Variants in AGBL1 observed in about 807,000 individuals in gnomAD.
The protein encoded by AGBL1 is cytosolic carboxypeptidase 4.
In AGBL1, 130 loss-of-function variants were observed where a neutral mutation model predicts 118.9. That is an observed-to-expected ratio of 1.09 (90% CI 0.95 to 1.26). The LOEUF (loss-of-function observed/expected upper bound fraction) is 1.26. AGBL1 is among the 50% of genes most tolerant of loss of function. The probability of loss-of-function intolerance (pLI) is 0.00; values close to 1 mark genes in which losing one functional copy is unlikely to be tolerated. For synonymous variants in AGBL1, 555 were observed against 478.9 expected, an observed-to-expected ratio of 1.16 and a Z score of -2.08; for missense variants, 1,584 against 1,298.1, an observed-to-expected ratio of 1.22 and a Z score of -3.38.
intron 1 of AGBL1, among the ~76,000 whole-genome samples, chr15:86,131,286 T>G (rs1429077284): frequency 6.6e-6 from 1 of 152,160 alleles, no homozygotes; most frequent in Non-Finnish European, 1.5e-5. Context: ...TTACTGAAAT[T>G]GGCTAAGATT....
chr15:86,651,179 T>A (rs1007018727), intron 21 of AGBL1, among the ~76,000 whole-genome samples: 10 of 152,170 alleles, frequency 6.6e-5, no homozygotes, highest in Admixed American at 6.6e-4. Context: ...GAGTTCTTAA[T>A]TTGGTAGCTA....
intron 1 of AGBL1, among the ~76,000 whole-genome samples, chr15:86,098,158 T>C (rs1896496593): frequency 6.6e-6 from 1 of 152,134 alleles, no homozygotes; most frequent in Non-Finnish European, 1.5e-5. Flanking sequence ...CACTTTGTAA[T>C]AAAACTATTT....
At chr15:86,955,551 A>G (rs573541476) in intron 23 of AGBL1, among the ~76,000 whole-genome samples, 2 of 152,244 alleles carry the variant, frequency 1.3e-5, no homozygotes, top group Admixed American at 1.3e-4. Flanking sequence ...ATGTAAAAAT[A>G]AAACTACAGC....
intron 17 of AGBL1, among the ~76,000 whole-genome samples, chr15:86,363,152 G>A (rs145448132): frequency 7.5e-4 from 114 of 152,120 alleles, no homozygotes; most frequent in Non-Finnish European, 1.1e-3. Context: ...GGTTATGAGC[G>A]TTGCCAGTGT....
Position 86,269,978 on chromosome 15 carries a change from T to C in AGBL1, c.1898T>C (p.Phe633Ser), listed in dbSNP as rs540071663. ...DVNSTQHQQW[F>S]YFKVSGMQAA... ...AATAGCACCCAGCACCAGCAGTGGT[T>C]CTATTTCAAAGTGAGCGGTATGCAG... The change falls in exon 14 of 23, where the codon TTC becomes TCC. Residue 633 changes from phenylalanine to serine, a missense_variant. Coordinates refer to ENST00000614907, the MANE Select transcript of AGBL1 (RefSeq NM_001386094.1). 1 of 1,613,924 alleles carries C rather than the reference T, an allele frequency of 6.2e-7. No individual in the cohort carries two copies. The highest frequency in any genetic ancestry group is 1.3e-5 in the African/African-American group (1 of 75,062).
chr15:86,891,253 G>A (rs1047928098), intron 22 of AGBL1, among the ~76,000 whole-genome samples: 4 of 152,108 alleles, frequency 2.6e-5, no homozygotes, highest in Admixed American at 2.6e-4. Flanking sequence ...AGACTTTGCT[G>A]AAATTTCTTA....
chr15:86,959,758 C>T (rs2080972687), intron 23 of AGBL1, among the ~76,000 whole-genome samples: 1 of 152,002 alleles, frequency 6.6e-6, no homozygotes, highest in African/African-American at 2.4e-5. Flanking sequence ...TGCTTCAATA[C>T]CCTTTCACAA....
At chr15:86,438,091 A>G (rs908156628) in intron 18 of AGBL1, among the ~76,000 whole-genome samples, 9 of 152,048 alleles carry the variant, frequency 5.9e-5, no homozygotes, top group African/African-American at 1.9e-4. Flanking sequence ...TTTTTTTAGT[A>G]GAAATGGGAT....
chr15:86,456,255 A>C (rs2082257168), intron 18 of AGBL1, among the ~76,000 whole-genome samples: 1 of 152,222 alleles, frequency 6.6e-6, no homozygotes. Context: ...TTATCTGAAT[A>C]ATGTTCTCTT....
chr15:86,311,863 A>G (rs964001002), intron 17 of AGBL1, among the ~76,000 whole-genome samples: 2 of 152,226 alleles, frequency 1.3e-5, no homozygotes, highest in African/African-American at 4.8e-5. Flanking sequence ...AAATTCTCTC[A>G]GTCCCAAGAT....
chr15:86,316,144 A>C (rs1399776380), intron 17 of AGBL1, among the ~76,000 whole-genome samples: 1 of 152,156 alleles, frequency 6.6e-6, no homozygotes, highest in Non-Finnish European at 1.5e-5. Context: ...AGATAGACCC[A>C]TGAAGGATGC....
At chr15:86,287,993 TC>T (rs1386824200) in intron 16 of AGBL1, among the ~76,000 whole-genome samples, 1 of 152,188 alleles carries the variant, frequency 6.6e-6, no homozygotes, top group Non-Finnish European at 1.5e-5. Context: ...CTCAACATTT[TC>T]TAAGCACTTT....
At chr15:86,180,854 C>T (rs1008635914) in intron 5 of AGBL1, among the ~76,000 whole-genome samples, 1 of 151,920 alleles carries the variant, frequency 6.6e-6, no homozygotes, top group Non-Finnish European at 1.5e-5. Flanking sequence ...TAAAAATGGA[C>T]AAAAGATTTG....
intron 18 of AGBL1, among the ~76,000 whole-genome samples, chr15:86,467,644 C>A (rs994686369): frequency 6.6e-6 from 1 of 152,222 alleles, no homozygotes; most frequent in African/African-American, 2.4e-5. Context: ...GTTGCGAAGA[C>A]CATGGGAAAG....
intron 17 of AGBL1, among the ~76,000 whole-genome samples, chr15:86,311,096 G>A (rs983018375): frequency 6.6e-6 from 1 of 152,120 alleles, no homozygotes; most frequent in East Asian, 1.9e-4. Context: ...AAACCTTCAG[G>A]GGGAGAGACA....
Position 86,528,356 on chromosome 15 carries a change from T to A in AGBL1, c.2685+5417T>A, listed in dbSNP as rs1288504990. ...CAAAGAAAGGGGTGACGGACGCACC[T>A]GGAAAATCAGGTCACTCCCACCCGA... On this transcript the variant is annotated intron_variant, in intron 19 of 22. Transcript: ENST00000614907. Among the ~76,000 whole-genome samples, 3 of 152,206 alleles carry A rather than the reference T, an allele frequency of 2.0e-5. No individual in the cohort carries two copies. The East Asian group carries it at 5.8e-4, about 29-fold the overall frequency.
chr15:86,922,083 A>G (rs775052019), intron 23 of AGBL1, among the ~76,000 whole-genome samples: 32 of 152,184 alleles, frequency 2.1e-4, no homozygotes, highest in Admixed American at 4.6e-4. Flanking sequence ...CTTATGTAGG[A>G]GGATGAAGAT....
rs935520689 is a variant in AGBL1 at position 86,750,300 on chromosome 15, A to C, written c.3158+75864A>C. Among the ~76,000 whole-genome samples the C allele has an allele frequency of 3.3e-5, 5 of 152,094 alleles. No homozygotes were observed. The East Asian group carries it at 9.7e-4, about 29-fold the overall frequency. ...TTAAAAATTAACACATAGTAATTTT[A>C]CATATTTATGGGGTACAGATTGGTA... On this transcript the variant is annotated intron_variant, in intron 22 of 22. Coordinates refer to ENST00000614907, the MANE Select transcript of AGBL1 (RefSeq NM_001386094.1).
intron 5 of AGBL1, among the ~76,000 whole-genome samples, chr15:86,173,937 G>C (rs2141763381): frequency 6.6e-6 from 1 of 152,032 alleles, no homozygotes; most frequent in East Asian, 1.9e-4. Context: ...GTGTTTTGTG[G>C]TTTCATATGA....
Sources: gnomAD v4.1 joint callset for allele counts (sites outside exome capture counted in the v4.1 genomes callset) on GRCh38, gnomAD v4.1.1 for gene constraint, MANE v1.5 for transcripts, NCBI Gene and HGNC (gene_info 2026-07-23, HGNC 2026-07-21) for gene names.